SH2D4B: variants seen among roughly 807,000 people sequenced by gnomAD.
SH2D4B encodes the protein SH2 domain-containing protein 4B.
A neutral mutation model predicts 61.5 loss-of-function variants in SH2D4B; 45 were observed. The ratio of observed to expected loss-of-function variants is 0.73; its 90% CI spans 0.58 to 0.94. The LOEUF is 0.94. Among genes scored for constraint, SH2D4B ranks in the 40% least tolerant of loss-of-function variants. The probability of loss-of-function intolerance (pLI) is 0.00; values close to 1 mark genes in which losing one functional copy is unlikely to be tolerated. For synonymous variants in SH2D4B, 224 were observed against 220.4 expected, an observed-to-expected ratio of 1.02 and a Z score of -0.14; for missense variants, 572 against 574.2, an observed-to-expected ratio of 1.00 and a Z score of 0.04.
intron 1 of SH2D4B, chr10:80,540,845 G>A (rs1031502805): frequency 7.1e-6 from 11 of 1,551,088 alleles, no homozygotes; most frequent in African/African-American, 6.8e-5. Flanking sequence ...GTCCCAGGGC[G>A]GGAATTGTGC....
At chr10:80,593,990 A>T (rs10785964) in intron 4 of SH2D4B, among the ~76,000 whole-genome samples, 64,834 of 151,712 alleles carry the variant, frequency 0.43, 15,224 homozygotes, top group African/African-American at 0.62. Flanking sequence ...ATATATATAT[A>T]TTTTTAGCGA....
chr10:80,592,715 C>CTTTTTTTTTTTTTTT (rs60807866), intron 4 of SH2D4B, among the ~76,000 whole-genome samples: 1 of 134,532 alleles, frequency 7.4e-6, no homozygotes. Context: ...CTCTCTGTCT[C>CTTTTTTTTTTTTTTT]TTTTTTTTTT....
intron 6 of SH2D4B, among the ~76,000 whole-genome samples, chr10:80,616,474 A>G (rs1458343698): frequency 1.3e-5 from 2 of 152,224 alleles, no homozygotes; most frequent in African/African-American, 2.4e-5. Flanking sequence ...ACAAAGAAGA[A>G]TGAGACTATT....
chr10:80,565,952 G>A lies in SH2D4B; in HGVS notation c.185-4202G>A, dbSNP rs555800590. 7.2e-5 allele frequency among the ~76,000 whole-genome samples: 11 copies of A among 152,000 alleles called. No homozygotes were observed. In the South Asian group the frequency reaches 1.2e-3, roughly 17 times the overall value. Reference sequence around the variant, plus strand: ...AAAAATACAAAAAAATTAGCCAGGCGTGGTGTTGGGCGCCTATAATCCCAG... The same window carrying A: ...AAAAATACAAAAAAATTAGCCAGGCATGGTGTTGGGCGCCTATAATCCCAG... On this transcript the variant is annotated intron_variant, in intron 1 of 7. Transcript: ENST00000646907.
At chr10:80,566,880 GT>G (rs1012816888) in intron 1 of SH2D4B, among the ~76,000 whole-genome samples, 6 of 152,098 alleles carry the variant, frequency 3.9e-5, no homozygotes, top group Non-Finnish European at 7.3e-5. Context: ...GTTTCTATCA[GT>G]TATAATTAAA....
chr10:80,612,319 G>A (rs974117972), intron 6 of SH2D4B, among the ~76,000 whole-genome samples: 2 of 151,748 alleles, frequency 1.3e-5, no homozygotes, highest in African/African-American at 4.8e-5. Context: ...TTCCTACAGA[G>A]GCAGGTGGCC....
At chr10:80,640,829 G>C (rs1011569192) in intron 7 of SH2D4B, among the ~76,000 whole-genome samples, 2 of 152,122 alleles carry the variant, frequency 1.3e-5, no homozygotes, top group Non-Finnish European at 2.9e-5. Context: ...GCTTTGTTCT[G>C]TTGCTGCTGA....
At chr10:80,574,185 A>G (rs1245449247) in intron 3 of SH2D4B, among the ~76,000 whole-genome samples, 1 of 152,162 alleles carries the variant, frequency 6.6e-6, no homozygotes, top group African/African-American at 2.4e-5. Flanking sequence ...TGCCCAGGCT[A>G]GAGTGCAGTG....
intron 1 of SH2D4B, among the ~76,000 whole-genome samples, chr10:80,557,570 C>T (rs1841854704): frequency 6.6e-6 from 1 of 152,086 alleles, no homozygotes; most frequent in South Asian, 2.1e-4. Context: ...TATGTTTCTT[C>T]TTTAGTGAAC....
At chr10:80,562,894 C>CTTTTTTTTTT (rs34539206) in intron 1 of SH2D4B, among the ~76,000 whole-genome samples, 9 of 74,696 alleles carry the variant, frequency 1.2e-4, no homozygotes, top group African/African-American at 2.0e-4. Flanking sequence ...AACATTTTTT[C>CTTTTTTTTTT]TTTTTTTTTT....
chr10:80,551,062 AT>A (rs778138742), intron 1 of SH2D4B, among the ~76,000 whole-genome samples: 1 of 151,852 alleles, frequency 6.6e-6, no homozygotes, highest in East Asian at 1.9e-4. Context: ...ATTTTATTTT[AT>A]TTTTTTTGAG....
chr10:80,612,700 T>C (rs377702556), intron 6 of SH2D4B, among the ~76,000 whole-genome samples: 2 of 152,230 alleles, frequency 1.3e-5, no homozygotes, highest in South Asian at 2.1e-4. Context: ...TAATATAATC[T>C]GTCAGAATCC....
At chr10:80,614,922 A>C (rs576801956) in intron 6 of SH2D4B, among the ~76,000 whole-genome samples, 1 of 152,338 alleles carries the variant, frequency 6.6e-6, no homozygotes, top group African/African-American at 2.4e-5. Flanking sequence ...GGTGGTATAG[A>C]AACTGAGGTG....
chr10:80,581,598 A>G (rs1255404407), intron 3 of SH2D4B, among the ~76,000 whole-genome samples: 4 of 152,208 alleles, frequency 2.6e-5, no homozygotes, highest in Admixed American at 1.3e-4. Flanking sequence ...GTGACACAGC[A>G]AGAAGGCAGC....
chr10:80,551,214 G>A (rs748584378), intron 1 of SH2D4B, among the ~76,000 whole-genome samples: 9 of 151,980 alleles, frequency 5.9e-5, no homozygotes, highest in South Asian at 2.1e-4. Flanking sequence ...CACCATGCCC[G>A]GCTAATATTT....
intron 1 of SH2D4B, among the ~76,000 whole-genome samples, chr10:80,554,032 C>A (rs796944400): frequency 3.9e-5 from 6 of 152,296 alleles, no homozygotes; most frequent in African/African-American, 1.4e-4. Flanking sequence ...AAATGATGGT[C>A]CCAGTGAAGC....
chr10:80,631,289 T>A (rs1253469836), intron 6 of SH2D4B, among the ~76,000 whole-genome samples: 1 of 152,244 alleles, frequency 6.6e-6, no homozygotes, highest in African/African-American at 2.4e-5. Flanking sequence ...TGCTCTGTTT[T>A]CCAGGCTAGA....
At chr10:80,547,247 A>G (rs547651188) in intron 1 of SH2D4B, among the ~76,000 whole-genome samples, 19 of 152,212 alleles carry the variant, frequency 1.2e-4, no homozygotes, top group Non-Finnish European at 1.9e-4. Flanking sequence ...ATTACACTGA[A>G]GTCACTAAAC....
intron 1 of SH2D4B, among the ~76,000 whole-genome samples, chr10:80,566,880 G>C (rs1841975890): frequency 6.6e-6 from 1 of 152,098 alleles, no homozygotes; most frequent in South Asian, 2.1e-4. Context: ...GTTTCTATCA[G>C]TTATAATTAA....
Sources: gnomAD v4.1 joint callset for allele counts (sites outside exome capture counted in the v4.1 genomes callset) on GRCh38, gnomAD v4.1.1 for gene constraint, MANE v1.5 for transcripts, NCBI Gene and HGNC (gene_info 2026-07-23, HGNC 2026-07-21) for gene names.